The following ANKRD12 variants were observed in gnomAD, a reference collection of about 807,000 sequenced individuals.
The protein encoded by ANKRD12 is ankyrin repeat domain-containing protein 12.
A neutral mutation model predicts 183.4 loss-of-function variants in ANKRD12; 85 were observed. That is an observed-to-expected ratio of 0.46 (90% CI 0.39 to 0.56). The LOEUF (loss-of-function observed/expected upper bound fraction) is 0.56. Ranked by LOEUF, ANKRD12 falls within the 20% of genes least tolerant of loss-of-function variation. The pLI is 0.00. For synonymous variants in ANKRD12, 914 were observed against 800.2 expected (o/e 1.14, Z -2.40); for missense variants, 2,405 against 2,357.1 (o/e 1.02, Z -0.42).
Position 9,283,680 on chromosome 18 carries a change from T to G in ANKRD12, c.*2554T>G, listed in dbSNP as rs940308972. 9 of 152,646 alleles carry G rather than the reference T, an allele frequency of 5.9e-5. No individual in the cohort carries two copies. Among genetic ancestry groups the G allele is most frequent in the Non-Finnish European group, 1.2e-4 (8 of 68,024 alleles). 9.5% of individuals were successfully genotyped at this position (152,646 alleles called of 1,614,324 possible). The stretch of plus-strand genomic sequence containing the variant: ...ATTGTACCTAAGGATTTGTATTTCT[T>G]TACAATTTGTTCTAAATATCTGTTT... On this transcript the variant is annotated 3_prime_UTR_variant, in exon 13 of 13. Coordinates refer to ENST00000262126, the MANE Select transcript of ANKRD12 (RefSeq NM_015208.5).
chr18:9,280,029 G>A (rs2040035461), intron 12 of ANKRD12, among the ~76,000 whole-genome samples: 1 of 152,110 alleles, frequency 6.6e-6, no homozygotes, highest in East Asian at 1.9e-4. Context: ...AGATTTTCAT[G>A]TTTCTTTTGA....
intron 8 of ANKRD12, among the ~76,000 whole-genome samples, chr18:9,239,809 G>C (rs2144980355): frequency 6.6e-6 from 1 of 152,300 alleles, no homozygotes; most frequent in African/African-American, 2.4e-5. Flanking sequence ...GAAAGTTAAA[G>C]AATAACCAAG....
chr18:9,177,330 C>G (rs982959368), intron 1 of ANKRD12, among the ~76,000 whole-genome samples: 1 of 152,208 alleles, frequency 6.6e-6, no homozygotes, highest in African/African-American at 2.4e-5. Context: ...CCCTCTCTCC[C>G]TCCAGCCACA....
At position 9,256,367 on chromosome 18, in the gene ANKRD12, A is replaced by G. The variant is rs2038626177; in HGVS notation, c.3100A>G (p.Lys1034Glu). The G allele has an allele frequency of 1.3e-6, 2 of 1,599,950 alleles. No individual in the cohort carries two copies. The highest frequency in any genetic ancestry group is 1.1e-5 in the South Asian group (1 of 88,212). Residue 1034 changes from lysine (K) to glutamate (E), a missense_variant, in exon 9 of 13, where the codon AAA becomes GAA. By Grantham distance (56) the Lys-to-Glu change is moderately conservative (BLOSUM62 1). Transcript: ENST00000262126. ...TAGATACAAAGAACGAGACAAACAT[A>G]AAGATAAAATTCAAATAAATAGCTT... ...IDRYKERDKH[K>E]DKIQINSLLK...
intron 10 of ANKRD12, among the ~76,000 whole-genome samples, chr18:9,269,316 G>A (rs553395198): frequency 1.3e-5 from 2 of 152,226 alleles, no homozygotes; most frequent in Admixed American, 6.5e-5. Flanking sequence ...TGCCAAGTCA[G>A]TCCTAAGCCA....
intron 7 of ANKRD12, among the ~76,000 whole-genome samples, chr18:9,217,352 C>T (rs200924714): frequency 3.3e-5 from 5 of 152,260 alleles, no homozygotes; most frequent in East Asian, 1.9e-4. Flanking sequence ...CTTCCCTCCT[C>T]GGAACCTCCG....
chr18:9,222,356 A>G (rs545970227), intron 8 of ANKRD12, among the ~76,000 whole-genome samples: 1 of 151,918 alleles, frequency 6.6e-6, no homozygotes, highest in East Asian at 1.9e-4. Context: ...CTAACCAAAC[A>G]CTTCATGTCT....
intron 8 of ANKRD12, chr18:9,235,702 A>G (rs1001068923): frequency 6.6e-6 from 3 of 455,936 alleles, no homozygotes; most frequent in African/African-American, 2.0e-5. Context: ...TACCAAGTGT[A>G]TGCAATCAGC....
Position 9,275,650 on chromosome 18 carries a change from G to GT in ANKRD12, c.5891dup (p.Pro1965ThrfsTer7). The GT allele has an allele frequency of 6.3e-7, 1 of 1,590,372 alleles. No individual in the cohort carries two copies. Among genetic ancestry groups the GT allele is most frequent in the Non-Finnish European group, 8.6e-7 (1 of 1,163,470 alleles). On this transcript the variant is annotated frameshift_variant, in exon 11 of 13. Coordinates refer to ENST00000262126, the MANE Select transcript of ANKRD12 (RefSeq NM_015208.5). LOFTEE classifies it high-confidence loss of function. Reference sequence around the variant, plus strand: ...TTTGCTGGATGCCGAAGTATACAATGTACCATTGGACTCTCAGGTAAAATG... The same window carrying GT: ...TTTGCTGGATGCCGAAGTATACAATGTTACCATTGGACTCTCAGGTAAAATG...
intron 5 of ANKRD12, among the ~76,000 whole-genome samples, chr18:9,209,865 G>T (rs1383280763): frequency 1.3e-5 from 2 of 152,066 alleles, no homozygotes; most frequent in African/African-American, 4.8e-5. Context: ...TAAATTAAAA[G>T]ACCAACAGAC....
intron 12 of ANKRD12, 144 bp downstream of exon 12, chr18:9,279,788 G>A: frequency 1.8e-6 from 1 of 558,042 alleles, no homozygotes; most frequent in Non-Finnish European, 3.2e-6. Context: ...CAATTGGAAA[G>A]ATAAAGACCA....
intron 9 of ANKRD12, chr18:9,259,469 A>G (rs532241253): frequency 2.7e-5 from 4 of 149,726 alleles, no homozygotes; most frequent in Admixed American, 6.6e-5. Flanking sequence ...TGCAGACTCT[A>G]TATAAACACA....
chr18:9,211,392 T>G (rs1007564692), intron 5 of ANKRD12, among the ~76,000 whole-genome samples, 192 bp from the exon 6 acceptor site: 1 of 152,150 alleles, frequency 6.6e-6, no homozygotes, highest in Non-Finnish European at 1.5e-5. Flanking sequence ...GCTAATGATA[T>G]TTGATAACCC....
Position 9,204,535 on chromosome 18 carries a change from A to G in ANKRD12, c.295A>G (p.Thr99Ala). Residue 99 changes from threonine (T) to alanine (A), a missense_variant, in exon 4 of 13, where the codon ACA becomes GCA. Physicochemically the swap from Thr to Ala is moderately conservative, Grantham distance 58. This residue lies in a region of ANKRD12 where 145 missense variants were observed against 145.6 expected (regional missense o/e 1.00). Transcript: ENST00000262126. ...GGAGAGACTTATATCTTCTTACAGG[A>G]CATACTCAGGTAATTAGATTATCAG... ...WGERLISSYR[T>A]YSEKEGPEKK... The G allele has an allele frequency of 6.3e-7, 1 of 1,589,764 alleles. No individual in the cohort carries two copies. The highest frequency in any genetic ancestry group is 8.6e-7 in the Non-Finnish European group (1 of 1,164,592).
intron 8 of ANKRD12, among the ~76,000 whole-genome samples, chr18:9,245,416 TACC>T (rs2037904666): frequency 6.6e-6 from 1 of 152,068 alleles, no homozygotes; most frequent in Non-Finnish European, 1.5e-5. Flanking sequence ...ACTGTGATCA[TACC>T]ACCACTCTCC....
At chr18:9,211,522 AT>A in intron 5 of ANKRD12, 61 bp from the exon 6 acceptor site, 3 of 1,442,544 alleles carry the variant, frequency 2.1e-6, no homozygotes, top group Non-Finnish European at 1.9e-6. Context: ...CAATAAAAAC[AT>A]TTAAATAAGT....
chr18:9,158,785 A>G (rs1389156594), intron 1 of ANKRD12, among the ~76,000 whole-genome samples: 1 of 152,160 alleles, frequency 6.6e-6, no homozygotes, highest in Admixed American at 6.5e-5. Context: ...AGATGTCTGC[A>G]TAAACTATCT....
intron 8 of ANKRD12, among the ~76,000 whole-genome samples, chr18:9,248,175 G>C (rs1439794116): frequency 6.6e-6 from 1 of 152,160 alleles, no homozygotes; most frequent in Non-Finnish European, 1.5e-5. Flanking sequence ...TTGAATGTTG[G>C]GAAGAAGAAC....
chr18:9,144,091 AT>A (rs1289418415), intron 1 of ANKRD12, among the ~76,000 whole-genome samples: 10 of 152,034 alleles, frequency 6.6e-5, no homozygotes, highest in Admixed American at 6.5e-4. Context: ...AATCATTTGC[AT>A]TTTCTCTACT....
Sources: gnomAD v4.1 joint callset for allele counts (sites outside exome capture counted in the v4.1 genomes callset) on GRCh38, gnomAD v4.1.1 for gene constraint, gnomAD v4.1.1 regional missense constraint, MANE v1.5 for transcripts, NCBI Gene and HGNC (gene_info 2026-07-23, HGNC 2026-07-21) for gene names.